The following UBXN8 variants were observed in gnomAD, a reference collection of about 807,000 sequenced individuals.
UBXN8 encodes UBX domain-containing protein 8.
UBXN8 carries 27 observed loss-of-function variants against 32.1 expected under a neutral mutation model. That is an observed-to-expected ratio of 0.84 (90% CI 0.62 to 1.16). The LOEUF is 1.16. Among genes scored for constraint, UBXN8 ranks in the 50% most tolerant of loss-of-function variants. The probability of loss-of-function intolerance (pLI) is 0.00; values close to 1 mark genes in which losing one functional copy is unlikely to be tolerated. For synonymous variants in UBXN8, 109 were observed against 111.8 expected, an observed-to-expected ratio of 0.98 and a Z score of 0.16; for missense variants, 306 against 311.4, an observed-to-expected ratio of 0.98 and a Z score of 0.13.
chr8:30,740,776 T>A (rs1805181898), upstream of UBXN8, among the ~76,000 whole-genome samples: 1 of 151,964 alleles, frequency 6.6e-6, no homozygotes, highest in African/African-American at 2.4e-5. Context: ...CAATGAGAAC[T>A]AAGAGCTCTA....
At position 30,750,548 on chromosome 8, in the gene UBXN8, G is replaced by A. The variant is rs181165082; in HGVS notation, c.89-848G>A. Among the ~76,000 whole-genome samples, 315 of 151,808 alleles carry A rather than the reference G, an allele frequency of 2.1e-3. 3 individuals are homozygous for A. The highest frequency in any genetic ancestry group is 0.011 in the Admixed American group (173 of 15,208). ...AGAACTTTGGCAGGCTGAGGCGGGC[G>A]GATCATGAGGTCAGGAGATCGGGAC... On this transcript the variant is annotated intron_variant, in intron 1 of 7. Coordinates refer to ENST00000265616, the MANE Select transcript of UBXN8 (RefSeq NM_005671.4).
At chr8:30,763,027 C>T in intron 6 of UBXN8, 1 of 483,994 alleles carries the variant, frequency 2.1e-6, no homozygotes, top group East Asian at 3.8e-5. Flanking sequence ...GCACCCACAT[C>T]TAGCTAATTT....
intron 1 of UBXN8, among the ~76,000 whole-genome samples, chr8:30,750,506 C>T (rs1159833918): frequency 1.3e-5 from 2 of 151,520 alleles, no homozygotes; most frequent in African/African-American, 2.4e-5. Context: ...GGCACGGTGG[C>T]TCACGCTTGT....
intron 3 of UBXN8, 58 bp from the exon 4 acceptor site, chr8:30,754,607 G>A (rs1343123181): frequency 1.3e-6 from 2 of 1,505,154 alleles, no homozygotes; most frequent in Admixed American, 5.1e-5. Context: ...TATAGACAGT[G>A]TACATTTTTA....
At chr8:30,764,467 G>T (rs1441692293) in intron 7 of UBXN8, among the ~76,000 whole-genome samples, 1 of 152,164 alleles carries the variant, frequency 6.6e-6, no homozygotes, top group Admixed American at 6.6e-5. Context: ...ACCACGACCA[G>T]CCCATTTTAC....
intron 4 of UBXN8, among the ~76,000 whole-genome samples, chr8:30,756,489 C>G (rs12680155): frequency 0.62 from 94,222 of 151,864 alleles, 34,977 homozygotes; most frequent in Non-Finnish European, 0.81. Context: ...ACTGTGTTAG[C>G]CAGGCTGGTC....
At chr8:30,766,010 C>CAAAA (rs35768128) in intron 7 of UBXN8, among the ~76,000 whole-genome samples, 1 of 133,786 alleles carries the variant, frequency 7.5e-6, no homozygotes, top group Non-Finnish European at 1.6e-5. Context: ...ACTCCCATCT[C>CAAAA]AAAAAAAAAA....
chr8:30,755,760 G>GAAAAAAAAA (rs34287599), intron 4 of UBXN8, among the ~76,000 whole-genome samples: 1 of 88,920 alleles, frequency 1.1e-5, no homozygotes, highest in Non-Finnish European at 1.9e-5. Flanking sequence ...CCTTTCTCCA[G>GAAAAAAAAA]AAAAAAAAAA....
rs146971804 is a variant in UBXN8 at position 30,749,121 on chromosome 8, C to T, written c.89-2275C>T. ...TATAACACCAAATACTGGCTGGGTG[C>T]GGTGGCTCATGCCTGTAATCCCAGC... On this transcript the variant is annotated intron_variant, in intron 1 of 7. Transcript: ENST00000265616. Among the ~76,000 whole-genome samples, 619 of 151,978 alleles carry T rather than the reference C, an allele frequency of 4.1e-3. 2 individuals are homozygous for T. Among genetic ancestry groups the T allele is most frequent in the African/African-American group, 0.013 (546 of 41,490 alleles).
rs1360273438 is a variant in UBXN8, at chr8:30,746,572, G to A, written c.88+2295G>A. Among the ~76,000 whole-genome samples, 4 of 133,820 alleles carry A rather than the reference G, an allele frequency of 3.0e-5. 1 individual carries two copies. The highest frequency in any genetic ancestry group is 6.3e-5 in the Non-Finnish European group (4 of 63,320). 87.8% of individuals were successfully genotyped at this position (133,820 alleles called of 152,430 possible). On this transcript the variant is annotated intron_variant, in intron 1 of 7. Transcript: ENST00000265616. ...GAGTCTCACTCTGTCACCCAGGCTG[G>A]AGTGCAGTGGTGCAGTCTCAGCTCA...
At chr8:30,762,968 C>CA (rs1277639047) in intron 6 of UBXN8, among the ~76,000 whole-genome samples, 1 of 151,978 alleles carries the variant, frequency 6.6e-6, no homozygotes, top group East Asian at 1.9e-4. Flanking sequence ...TCCCTGGGCT[C>CA]AGGCTATTCT....
Position 30,734,636 on chromosome 8 carries a change from T to A in UBXN8, c.622+1328T>A, listed in dbSNP as rs1050395544. On this transcript the variant is annotated intron_variant, in intron 1 of 1. Transcript: ENST00000522968. Reference sequence around the variant, plus strand: ...CACTATCTCTTAAAAAAAAAAAAAATTTCTTTCAAACACTAGAGGATGCCA... The same window carrying A: ...CACTATCTCTTAAAAAAAAAAAAAAATTCTTTCAAACACTAGAGGATGCCA... Among the ~76,000 whole-genome samples the A allele has an allele frequency of 4.6e-5, 7 of 150,728 alleles. 1 individual carries two copies. The highest frequency in any genetic ancestry group is 1.3e-4 in the Admixed American group (2 of 15,144).
chr8:30,744,130 T>A, upstream of UBXN8: 1 of 1,545,074 alleles, frequency 6.5e-7, no homozygotes. Context: ...TCCACTTCCT[T>A]CCCGGAAAAC....
intron 1 of UBXN8, among the ~76,000 whole-genome samples, chr8:30,749,747 A>G (rs1447640844): frequency 6.6e-6 from 1 of 151,876 alleles, no homozygotes; most frequent in African/African-American, 2.4e-5. Context: ...CTGGGACTAC[A>G]GGTACCCGCC....
chr8:30,755,009 T>C (rs1407795970), intron 4 of UBXN8, among the ~76,000 whole-genome samples: 1 of 151,114 alleles, frequency 6.6e-6, no homozygotes, highest in Middle Eastern at 3.4e-3. Flanking sequence ...AGGCTGGAGT[T>C]CAGTGGCACA....
chr8:30,764,300 G>A (rs1805938991), intron 7 of UBXN8, among the ~76,000 whole-genome samples: 1 of 152,162 alleles, frequency 6.6e-6, no homozygotes, highest in Admixed American at 6.6e-5. Flanking sequence ...ATGCCTGTGA[G>A]TAGCTGGGAC....
rs1024155123 is a variant in UBXN8, at chr8:30,759,732, G to A, written c.529-1156G>A. Among the ~76,000 whole-genome samples the A allele has an allele frequency of 4.6e-5, 7 of 151,022 alleles. No homozygotes were observed. In the South Asian group the frequency reaches 8.4e-4, roughly 18 times the overall value. ...AGGACTTTGGGAGGCTGAGGCAGGCGGATCACAAGGTCAGGAAGTCGAGAC... is the reference window on the plus strand; with the variant it reads ...AGGACTTTGGGAGGCTGAGGCAGGCAGATCACAAGGTCAGGAAGTCGAGAC... On this transcript the variant is annotated intron_variant, in intron 5 of 7. Transcript: ENST00000265616.
intron 7 of UBXN8, among the ~76,000 whole-genome samples, chr8:30,764,143 CAT>C (rs1299271730): frequency 6.6e-6 from 1 of 152,216 alleles, no homozygotes; most frequent in Non-Finnish European, 1.5e-5. Context: ...TACATTTAAA[CAT>C]ATAATTATGT....
chr8:30,744,157 G>A (rs984555322), upstream of UBXN8: 17 of 1,602,180 alleles, frequency 1.1e-5, no homozygotes, highest in African/African-American at 2.3e-4. Context: ...GGAAGGGGCG[G>A]GCTTTCCGCC....
Sources: gnomAD v4.1 joint callset for allele counts (sites outside exome capture counted in the v4.1 genomes callset) on GRCh38, gnomAD v4.1.1 for gene constraint, MANE v1.5 for transcripts, NCBI Gene and HGNC (gene_info 2026-07-23, HGNC 2026-07-21) for gene names.